CPM: variants seen among roughly 807,000 people sequenced by gnomAD.
CPM encodes the protein carboxypeptidase M.
Under a neutral mutation model 46.4 loss-of-function variants are expected in CPM, and 35 were observed. That is an observed-to-expected ratio of 0.75 (90% CI 0.58 to 1.00). The LOEUF (loss-of-function observed/expected upper bound fraction) is 1.00, where lower values mean the gene tolerates loss of function less well. Among genes scored for constraint, CPM ranks in the 50% least tolerant of loss-of-function variants. The probability of loss-of-function intolerance (pLI) is 0.00; values close to 1 mark genes in which losing one functional copy is unlikely to be tolerated. For synonymous variants in CPM, 195 were observed against 195.3 expected, an observed-to-expected ratio of 1.00 and a Z score of 0.01; for missense variants, 422 against 530.4, an observed-to-expected ratio of 0.80 and a Z score of 2.01.
chr12:68,863,536 A>C (rs536054322), intron 7 of CPM, among the ~76,000 whole-genome samples: 13 of 152,304 alleles, frequency 8.5e-5, no homozygotes, highest in African/African-American at 2.6e-4. Context: ...GTGAGTTCTA[A>C]TTGAAGGAAT....
intron 2 of CPM, among the ~76,000 whole-genome samples, chr12:68,906,800 G>A (rs1213587326): frequency 1.3e-5 from 2 of 152,218 alleles, no homozygotes; most frequent in Non-Finnish European, 2.9e-5. Flanking sequence ...ACACATTTGT[G>A]TAGACAGCAG....
chr12:68,953,968 G>A (rs1888974694), intron 1 of CPM, among the ~76,000 whole-genome samples: 1 of 152,184 alleles, frequency 6.6e-6, no homozygotes, highest in Non-Finnish European at 1.5e-5. Context: ...AATCCATCAG[G>A]CGTGAGTTAT....
chr12:68,866,636 G>A (rs957791085), intron 7 of CPM, among the ~76,000 whole-genome samples: 2 of 152,148 alleles, frequency 1.3e-5, no homozygotes, highest in African/African-American at 2.4e-5. Flanking sequence ...GAGCCACCAC[G>A]ACCACCTGGT....
At chr12:68,863,302 C>T (rs562591288) in intron 7 of CPM, among the ~76,000 whole-genome samples, 1 of 152,322 alleles carries the variant, frequency 6.6e-6, no homozygotes, top group African/African-American at 2.4e-5. Flanking sequence ...AGGGGAAAGA[C>T]AGGGCCGCAG....
intron 6 of CPM, 101 bp downstream of exon 6, chr12:68,869,224 T>C: frequency 9.9e-7 from 1 of 1,007,636 alleles, no homozygotes; most frequent in Non-Finnish European, 1.5e-6. Flanking sequence ...AAGGGCCTAT[T>C]GTGCCTAAAG....
At chr12:68,893,155 A>AAC (rs1300566482) in intron 2 of CPM, among the ~76,000 whole-genome samples, 1 of 151,454 alleles carries the variant, frequency 6.6e-6, no homozygotes, top group Non-Finnish European at 1.5e-5. Flanking sequence ...CTGACAAAAA[A>AAC]AAAAAAAGAC....
intron 2 of CPM, among the ~76,000 whole-genome samples, chr12:68,921,300 C>A (rs1406684243): frequency 6.6e-6 from 1 of 151,794 alleles, no homozygotes; most frequent in East Asian, 1.9e-4. Flanking sequence ...TGCCACCATG[C>A]CCGGCTAATT....
chr12:68,959,389 G>C (rs931163084), intron 1 of CPM, among the ~76,000 whole-genome samples: 5 of 151,980 alleles, frequency 3.3e-5, no homozygotes, highest in African/African-American at 1.2e-4. Flanking sequence ...AGTGGCCACT[G>C]CCTTAAAATA....
intron 1 of CPM, among the ~76,000 whole-genome samples, chr12:68,943,112 T>G (rs1888790499): frequency 6.6e-6 from 1 of 152,176 alleles, no homozygotes; most frequent in South Asian, 2.1e-4. Context: ...ATGTAATAAC[T>G]AAAATAGTAA....
chr12:68,931,942 A>G (rs74099499), intron 2 of CPM, among the ~76,000 whole-genome samples: 9,943 of 152,156 alleles, frequency 0.065, 837 homozygotes, highest in African/African-American at 0.19. Context: ...AACTTTATGT[A>G]GTTTCTAACT....
chr12:68,933,021 C>A, intron 1 of CPM, 121 bp downstream of exon 1: 1 of 551,720 alleles, frequency 1.8e-6, no homozygotes. Flanking sequence ...AGACCGGGAG[C>A]ACGGGCAGCC....
intron 3 of CPM, among the ~76,000 whole-genome samples, chr12:68,882,987 T>C (rs552442636): frequency 6.6e-6 from 1 of 152,354 alleles, no homozygotes; most frequent in South Asian, 2.1e-4. Flanking sequence ...TCCTGTCATC[T>C]AGCCATAGTA....
intron 1 of CPM, among the ~76,000 whole-genome samples, chr12:68,946,741 C>A (rs780862934): frequency 2.0e-5 from 3 of 152,190 alleles, no homozygotes; most frequent in Non-Finnish European, 4.4e-5. Flanking sequence ...CAGATGCTTA[C>A]TGAACTTATG....
chr12:68,959,320 C>G (rs1244201064), intron 1 of CPM, among the ~76,000 whole-genome samples: 1 of 152,116 alleles, frequency 6.6e-6, no homozygotes, highest in Non-Finnish European at 1.5e-5. Context: ...TGATGAGACT[C>G]AGAAGTGTTT....
At chr12:68,905,497 T>C (rs1226296367) in intron 2 of CPM, among the ~76,000 whole-genome samples, 2 of 151,938 alleles carry the variant, frequency 1.3e-5, no homozygotes, top group Admixed American at 6.6e-5. Flanking sequence ...CCCAGGCTGG[T>C]CTTGAACTCC....
chr12:68,948,868 G>A lies in CPM; in HGVS notation c.-4+14301C>T, dbSNP rs145243696. Among the ~76,000 whole-genome samples, 463 of 152,258 alleles carry A rather than the reference G, an allele frequency of 3.0e-3. 1 individual carries two copies. The highest frequency in any genetic ancestry group is 0.011 in the African/African-American group (440 of 41,548). On this transcript the variant is annotated intron_variant, in intron 1 of 8. Coordinates refer to the CPM transcript ENST00000546373. ...GCCAATGTATACTATGGCTAAATATGATGCTCTAACCTTGGACCATTGCTC... is the reference window on the plus strand; with the variant it reads ...GCCAATGTATACTATGGCTAAATATAATGCTCTAACCTTGGACCATTGCTC...
intron 2 of CPM, among the ~76,000 whole-genome samples, chr12:68,923,147 G>C (rs1435466601): frequency 6.9e-6 from 1 of 144,406 alleles, no homozygotes; most frequent in East Asian, 2.1e-4. Flanking sequence ...ATGCATGTTG[G>C]TATTTGATAT....
intron 5 of CPM, chr12:68,845,263 G>A (rs1884193163): frequency 4.7e-6 from 1 of 214,590 alleles, no homozygotes. Flanking sequence ...TGATCATATT[G>A]TCTACCATGT....
At chr12:68,857,247 G>A (rs1391861580) in intron 8 of CPM, among the ~76,000 whole-genome samples, 4 of 149,986 alleles carry the variant, frequency 2.7e-5, no homozygotes, top group East Asian at 2.0e-4. Context: ...TGCAACCTCC[G>A]CCTCCCGGGT....
Sources: allele counts gnomAD v4.1 joint callset (sites outside exome capture counted in the v4.1 genomes callset), GRCh38; gene constraint gnomAD v4.1.1; transcripts MANE v1.5; gene names NCBI Gene and HGNC (gene_info 2026-07-23, HGNC 2026-07-21).